RABGAP1L: variants seen among roughly 807,000 people sequenced by gnomAD.
RABGAP1L encodes the protein RAB GTPase activating protein 1 like, also known as rab GTPase-activating protein 1-like.
A neutral mutation model predicts 137.7 loss-of-function variants in RABGAP1L; 63 were observed. The observed-to-expected ratio is 0.46, with a 90% CI of 0.37 to 0.56. The LOEUF (loss-of-function observed/expected upper bound fraction) is 0.56. Ranked by LOEUF, RABGAP1L falls within the 20% of genes least tolerant of loss-of-function variation. The pLI is 0.00. For missense variants in RABGAP1L, 1,095 were observed against 1,244.0 expected, an observed-to-expected ratio of 0.88 and a Z score of 1.80; for synonymous variants, 431 against 433.7, an observed-to-expected ratio of 0.99 and a Z score of 0.08.
chr1:174,601,176 G>T (rs1670381035), intron 13 of RABGAP1L, among the ~76,000 whole-genome samples: 1 of 152,156 alleles, frequency 6.6e-6, no homozygotes, highest in Non-Finnish European at 1.5e-5. Context: ...GGGACACAGG[G>T]AACCAAGTCC....
At chr1:174,190,316 A>AAAAAG (rs1553250677) in intron 1 of RABGAP1L, among the ~76,000 whole-genome samples, 48 of 150,864 alleles carry the variant, frequency 3.2e-4, no homozygotes, top group Non-Finnish European at 5.0e-4. Flanking sequence ...AAAAAAAAAA[A>AAAAAG]AAAGAAAGAA....
chr1:174,270,953 T>A (rs1353075499), intron 7 of RABGAP1L, among the ~76,000 whole-genome samples: 1 of 152,168 alleles, frequency 6.6e-6, no homozygotes, highest in Admixed American at 6.5e-5. Flanking sequence ...AAGAATTAAA[T>A]CTTTTATTCT....
At chr1:174,625,207 C>A (rs1672856274) in intron 13 of RABGAP1L, among the ~76,000 whole-genome samples, 1 of 151,982 alleles carries the variant, frequency 6.6e-6, no homozygotes, top group Non-Finnish European at 1.5e-5. Flanking sequence ...TTTTACTAAC[C>A]AATCAACATT....
At chr1:174,212,345 C>CA (rs1668960457) in intron 1 of RABGAP1L, among the ~76,000 whole-genome samples, 1 of 151,862 alleles carries the variant, frequency 6.6e-6, no homozygotes, top group Admixed American at 6.6e-5. Context: ...GTTAAAAAGG[C>CA]AATTACTTTT....
intron 13 of RABGAP1L, among the ~76,000 whole-genome samples, chr1:174,497,658 A>T (rs1248497240): frequency 6.7e-6 from 1 of 150,226 alleles, no homozygotes. Context: ...TTTCCCTCCC[A>T]CTCTTTGCCC....
chr1:174,349,595 CCA>C (rs1682863451), intron 11 of RABGAP1L, among the ~76,000 whole-genome samples: 1 of 143,372 alleles, frequency 7.0e-6, no homozygotes, highest in East Asian at 2.3e-4. Context: ...CTGACCCCCC[CCA>C]CCTCCCTCCC....
chr1:174,491,864 A>G (rs990072503), intron 13 of RABGAP1L, among the ~76,000 whole-genome samples: 1 of 152,210 alleles, frequency 6.6e-6, no homozygotes, highest in Non-Finnish European at 1.5e-5. Context: ...ATGACAGGAC[A>G]GCACTGAATT....
chr1:174,180,404 T>C (rs1341520277), intron 1 of RABGAP1L, among the ~76,000 whole-genome samples: 2 of 152,222 alleles, frequency 1.3e-5, no homozygotes, highest in Non-Finnish European at 2.9e-5. Context: ...TCATGACAAT[T>C]GGAAACTTGC....
intron 13 of RABGAP1L, among the ~76,000 whole-genome samples, chr1:174,505,299 C>T (rs1661716387): frequency 6.6e-6 from 1 of 152,096 alleles, no homozygotes; most frequent in Non-Finnish European, 1.5e-5. Context: ...TTTTTGGTAA[C>T]AGCAGACAGT....
chr1:174,479,908 T>G (rs1658673068), intron 13 of RABGAP1L, among the ~76,000 whole-genome samples: 2 of 152,178 alleles, frequency 1.3e-5, no homozygotes, highest in South Asian at 2.1e-4. Context: ...CTCAGAAACA[T>G]CTATATCTTT....
chr1:174,265,896 A>T (rs1674028013), intron 7 of RABGAP1L, among the ~76,000 whole-genome samples: 2 of 151,876 alleles, frequency 1.3e-5, no homozygotes, highest in African/African-American at 4.8e-5. Context: ...CAGTCCTAAG[A>T]TCTATTTAGG....
At chr1:174,844,175 G>A (rs1337119113) in intron 19 of RABGAP1L, among the ~76,000 whole-genome samples, 308 of 138,760 alleles carry the variant, frequency 2.2e-3, no homozygotes, top group Non-Finnish European at 3.6e-3. Flanking sequence ...GTTGTAGGTT[G>A]CCTGTTCACT....
intron 11 of RABGAP1L, among the ~76,000 whole-genome samples, chr1:174,305,852 GT>G (rs1400661135): frequency 2.0e-5 from 3 of 151,816 alleles, no homozygotes; most frequent in African/African-American, 7.3e-5. Context: ...TGCCATGTTG[GT>G]GTGCTGCACC....
chr1:174,757,009 C>A (rs1573048735), intron 18 of RABGAP1L: 1 of 744,102 alleles, frequency 1.3e-6, no homozygotes, highest in East Asian at 4.6e-5. Flanking sequence ...TGTCAAAGCA[C>A]CCTTCCTCCA....
intron 17 of RABGAP1L, among the ~76,000 whole-genome samples, chr1:174,708,590 A>G (rs1012819025): frequency 1.3e-5 from 2 of 152,164 alleles, no homozygotes; most frequent in Non-Finnish European, 2.9e-5. Context: ...GTACTCTGCC[A>G]TGAGGGACAG....
At chr1:174,319,363 A>T (rs1484401464) in intron 11 of RABGAP1L, among the ~76,000 whole-genome samples, 1 of 152,138 alleles carries the variant, frequency 6.6e-6, no homozygotes, top group Non-Finnish European at 1.5e-5. Flanking sequence ...AAAGCAGTTG[A>T]CGTCTTGTAT....
chr1:174,349,044 C>CA (rs1176188740), intron 11 of RABGAP1L, among the ~76,000 whole-genome samples: 1 of 102,854 alleles, frequency 9.7e-6, no homozygotes, highest in African/African-American at 3.6e-5. Context: ...GCTGGCCGGG[C>CA]GGGGGGGGGG....
At chr1:174,612,129 G>A (rs1346807703) in intron 13 of RABGAP1L, among the ~76,000 whole-genome samples, 1 of 152,162 alleles carries the variant, frequency 6.6e-6, no homozygotes, top group African/African-American at 2.4e-5. Context: ...TCCCTGTCTT[G>A]CACCTGTTTT....
intron 17 of RABGAP1L, among the ~76,000 whole-genome samples, chr1:174,722,152 C>A (rs1681593438): frequency 6.6e-6 from 1 of 151,938 alleles, no homozygotes; most frequent in Admixed American, 6.6e-5. Flanking sequence ...GGATGGTCCC[C>A]ATCTCCTGAC....
Sources: gnomAD v4.1 joint callset for allele counts (sites outside exome capture counted in the v4.1 genomes callset) on GRCh38, gnomAD v4.1.1 for gene constraint, MANE v1.5 for transcripts, NCBI Gene and HGNC (gene_info 2026-07-23, HGNC 2026-07-21) for gene names.